Variants in GPC6 observed in about 807,000 individuals in gnomAD.
GPC6 encodes the protein glypican 6.
A neutral mutation model predicts 55.2 loss-of-function variants in GPC6; 14 were observed. The observed-to-expected ratio is 0.25, with a 90% CI of 0.17 to 0.40. The LOEUF (loss-of-function observed/expected upper bound fraction) is 0.40, where lower values mean the gene tolerates loss of function less well. Among genes scored for constraint, GPC6 ranks in the 10% least tolerant of loss-of-function variants. The pLI is 1.00. For missense variants in GPC6, 641 were observed against 708.5 expected (o/e 0.90, Z 1.08); for synonymous variants, 278 against 259.6 (o/e 1.07, Z -0.68).
At chr13:94,328,177 G>C (rs949445342) in intron 6 of GPC6, among the ~76,000 whole-genome samples, 11 of 152,170 alleles carry the variant, frequency 7.2e-5, no homozygotes, top group African/African-American at 2.7e-4. Context: ...GGCCAACCCA[G>C]GGCCACACTA....
rs565148144 is a variant in GPC6, at chr13:93,319,931, G to A, written c.160+92315G>A. On this transcript the variant is annotated intron_variant, in intron 1 of 8. Transcript: ENST00000377047. ...TGGAAACTAGAAGTGAAAGAAAATC[G>A]CAAAACAATAGCTGTTTGACAGCTC... Among the ~76,000 whole-genome samples the A allele has an allele frequency of 9.9e-5, 15 of 152,134 alleles. 1 individual carries two copies. The South Asian group carries it at 2.7e-3, about 27-fold the overall frequency.
At chr13:93,878,875 C>T (rs1488343241) in intron 3 of GPC6, among the ~76,000 whole-genome samples, 1 of 151,982 alleles carries the variant, frequency 6.6e-6, no homozygotes, top group African/African-American at 2.4e-5. Context: ...CAGCACAAAT[C>T]GACCAAGAGA....
At chr13:94,178,327 T>G (rs866573848) in intron 4 of GPC6, among the ~76,000 whole-genome samples, 2 of 152,252 alleles carry the variant, frequency 1.3e-5, no homozygotes, top group South Asian at 2.1e-4. Context: ...TGTCCTCCTA[T>G]CTCTCATTAT....
intron 2 of GPC6, among the ~76,000 whole-genome samples, chr13:93,734,877 T>A (rs1883943431): frequency 1.3e-5 from 2 of 152,198 alleles, no homozygotes; most frequent in Admixed American, 1.3e-4. Flanking sequence ...TATAAACCAT[T>A]TGAAATCTTC....
intron 1 of GPC6, among the ~76,000 whole-genome samples, chr13:93,492,180 A>G (rs1347621482): frequency 2.1e-5 from 3 of 145,490 alleles, no homozygotes; most frequent in African/African-American, 5.2e-5. Flanking sequence ...ATTTGTTTGT[A>G]TCCTCTTTTA....
chr13:93,308,273 A>G (rs893863085), intron 1 of GPC6, among the ~76,000 whole-genome samples: 1 of 152,164 alleles, frequency 6.6e-6, no homozygotes, highest in Non-Finnish European at 1.5e-5. Context: ...TGACAGAGTG[A>G]GACTCCATCT....
intron 6 of GPC6, among the ~76,000 whole-genome samples, chr13:94,353,046 T>A (rs1878629506): frequency 6.6e-6 from 1 of 152,124 alleles, no homozygotes; most frequent in Admixed American, 6.5e-5. Flanking sequence ...CACCAAGAGA[T>A]ATAACTGACA....
At chr13:93,923,295 A>G (rs1234769614) in intron 3 of GPC6, among the ~76,000 whole-genome samples, 8 of 152,196 alleles carry the variant, frequency 5.3e-5, no homozygotes, top group Non-Finnish European at 8.8e-5. Flanking sequence ...CAAATTTCAC[A>G]TAGAATCATA....
chr13:94,349,781 A>G (rs1878449379), intron 6 of GPC6, among the ~76,000 whole-genome samples: 2 of 152,286 alleles, frequency 1.3e-5, no homozygotes, highest in East Asian at 1.9e-4. Context: ...AACCACTTCC[A>G]TGGCATTTCC....
In GPC6 at chr13:94,161,553, A is replaced by C. The variant is rs531302781; in HGVS notation, c.878-124796A>C. Among the ~76,000 whole-genome samples, 12 of 152,326 alleles carry C rather than the reference A, an allele frequency of 7.9e-5. No homozygotes were observed. In the Middle Eastern group the frequency reaches 0.01, roughly 130 times the overall value. ...GCCATTCACTTTCCTGAGCACCTGTATACCAGAGCTCATCAGATTCATCAT... is the reference window on the plus strand; with the variant it reads ...GCCATTCACTTTCCTGAGCACCTGTCTACCAGAGCTCATCAGATTCATCAT... On this transcript the variant is annotated intron_variant, in intron 4 of 8. Transcript: ENST00000377047.
chr13:94,130,271 C>T (rs976372998), intron 4 of GPC6, among the ~76,000 whole-genome samples: 10 of 152,048 alleles, frequency 6.6e-5, no homozygotes, highest in Non-Finnish European at 1.5e-4. Flanking sequence ...TCCACCAGGC[C>T]TCCTAGCTTT....
At chr13:93,932,150 G>C (rs929369583) in intron 3 of GPC6, among the ~76,000 whole-genome samples, 1 of 152,218 alleles carries the variant, frequency 6.6e-6, no homozygotes, top group African/African-American at 2.4e-5. Flanking sequence ...ACATAGGTCA[G>C]ATTAATCTGC....
chr13:93,918,659 T>C (rs997794264), intron 3 of GPC6, among the ~76,000 whole-genome samples: 9 of 152,168 alleles, frequency 5.9e-5, no homozygotes, highest in Non-Finnish European at 1.2e-4. Context: ...CCATCAGTTT[T>C]TGGATGTCTG....
chr13:94,233,869 G>A (rs9561516), intron 4 of GPC6, among the ~76,000 whole-genome samples: 7,439 of 152,078 alleles, frequency 0.049, 231 homozygotes, highest in African/African-American at 0.076. Flanking sequence ...AAAAAACATA[G>A]CATATATAGG....
At chr13:93,974,657 T>G (rs1880438428) in intron 3 of GPC6, among the ~76,000 whole-genome samples, 1 of 152,202 alleles carries the variant, frequency 6.6e-6, no homozygotes, top group South Asian at 2.1e-4. Context: ...TTTTCTTTCT[T>G]GAATAGAGGT....
chr13:94,203,055 A>G (rs2138978537), intron 4 of GPC6, among the ~76,000 whole-genome samples: 1 of 151,988 alleles, frequency 6.6e-6, no homozygotes, highest in Admixed American at 6.5e-5. Flanking sequence ...CCCAAAAGTG[A>G]TAGATTAAAA....
chr13:93,361,253 C>T (rs1296265408), intron 1 of GPC6, among the ~76,000 whole-genome samples: 1 of 152,094 alleles, frequency 6.6e-6, no homozygotes, highest in Non-Finnish European at 1.5e-5. Flanking sequence ...GATGAGTTTC[C>T]CGCTCAAACA....
At chr13:93,237,564 A>G (rs145769595) in intron 1 of GPC6, among the ~76,000 whole-genome samples, 45 of 152,288 alleles carry the variant, frequency 3.0e-4, no homozygotes, top group African/African-American at 1.1e-3. Flanking sequence ...GAAGCTTGCT[A>G]GATTAATTAA....
chr13:93,298,015 T>C (rs987755624), intron 1 of GPC6, among the ~76,000 whole-genome samples: 1 of 152,168 alleles, frequency 6.6e-6, no homozygotes, highest in Non-Finnish European at 1.5e-5. Flanking sequence ...TAATCTTCCC[T>C]TCCTATACAT....
Sources: gnomAD v4.1 joint callset for allele counts (sites outside exome capture counted in the v4.1 genomes callset) on GRCh38, gnomAD v4.1.1 for gene constraint, MANE v1.5 for transcripts, NCBI Gene and HGNC (gene_info 2026-07-23, HGNC 2026-07-21) for gene names.